CEP290: variants seen among roughly 807,000 people sequenced by gnomAD.
The protein encoded by CEP290 is centrosomal protein 290.
Under a neutral mutation model 344.9 loss-of-function variants are expected in CEP290, and 317 were observed. The observed-to-expected ratio is 0.92, with a 90% CI of 0.84 to 1.01. CEP290 has a LOEUF of 1.01. Ranked by LOEUF, CEP290 falls within the 50% of genes least tolerant of loss-of-function variation. The probability of loss-of-function intolerance (pLI) is 0.00; values close to 1 mark genes in which losing one functional copy is unlikely to be tolerated. For synonymous variants in CEP290, 932 were observed against 895.8 expected (o/e 1.04, Z -0.72); for missense variants, 2,754 against 2,761.4 (o/e 1.00, Z 0.06).
chr12:88,054,410 T>G lies in CEP290; in HGVS notation c.6964A>C (p.Lys2322Gln), dbSNP rs1397736080. Reference protein sequence around the residue: ...KYNEDLEQQIKILKHVPEGAE... With the variant: ...KYNEDLEQQIQILKHVPEGAE... ...CCTTCAGGAACATGTTTAAGAATCT[T>G]AATCTTTGAGGACAATGAAAAGTTA... Residue 2322 changes from lysine (K) to glutamine (Q), a missense_variant, in exon 51 of 54, where the codon AAG (lysine) becomes CAG (glutamine). Coordinates refer to ENST00000552810, the MANE Select transcript of CEP290 (RefSeq NM_025114.4). The G allele has an allele frequency of 6.2e-7, 1 of 1,608,682 alleles. No individual in the cohort carries two copies. Among genetic ancestry groups the G allele is most frequent in the Non-Finnish European group, 8.5e-7 (1 of 1,176,566 alleles).
At position 88,053,447 on chromosome 12, in the gene CEP290, G is replaced by A. The variant is rs371751872; in HGVS notation, c.7129+205C>T. 2.6e-5 allele frequency among the ~76,000 whole-genome samples: 4 copies of A among 152,008 alleles called. No homozygotes were observed. The East Asian group carries it at 5.8e-4, about 22-fold the overall frequency. On this transcript the variant is annotated intron_variant, in intron 52 of 53. Coordinates refer to ENST00000552810, the MANE Select transcript of CEP290 (RefSeq NM_025114.4). Reference sequence around the variant, plus strand: ...CAAAGAGAAGAACACTTGGGTACTTGCTACTCTATAGTATAAACAACACAA... The same window carrying A: ...CAAAGAGAAGAACACTTGGGTACTTACTACTCTATAGTATAAACAACACAA...
At position 88,064,074 on chromosome 12, in the gene CEP290, C is replaced by T; in HGVS notation, c.6177G>A (p.Gln2059=). 1 of 1,583,326 alleles carries T rather than the reference C, an allele frequency of 6.3e-7. No individual in the cohort carries two copies. Among genetic ancestry groups the T allele is most frequent in the East Asian group, 2.3e-5 (1 of 44,006 alleles). The stretch of plus-strand genomic sequence containing the variant: ...ACTTCAAGTTTTCCTTCTGAAGCTC[C>T]TGTTCTCTCTGACAATGATCATCTG... ...IESDDHCQRE[Q]ELQKENLKLS... Residue 2059 remains glutamine, a synonymous_variant, in exon 45 of 54, where the codon CAG becomes CAA. Coordinates refer to ENST00000552810, the MANE Select transcript of CEP290 (RefSeq NM_025114.4).
Position 88,129,007 on chromosome 12 carries a change from G to A in CEP290, c.881C>T (p.Ser294Leu). The change falls in exon 11 of 54, where the codon TCA becomes TTA. Residue 294 changes from serine to leucine, a missense_variant. Coordinates refer to ENST00000552810, the MANE Select transcript of CEP290 (RefSeq NM_025114.4). ...AATTGGATCATCTTCTTCATTTTTT[G>A]ATTTCAGAAGATCTGTAAGCTCCTG... ...QVQELTDLLK[S>L]KNEEDDPIMV... 6.6e-7 allele frequency: 1 copy of A among 1,525,700 alleles called. No homozygotes were observed. The highest frequency in any genetic ancestry group is 1.4e-5 in the South Asian group (1 of 73,386). The allele number at this position is 1,525,700 out of a possible 1,614,324, so 94.5% of individuals were successfully genotyped here. A position where few individuals can be genotyped will look rare whatever the true frequency, so the allele number is the denominator to read the frequency against.
intron 26 of CEP290, among the ~76,000 whole-genome samples, chr12:88,099,428 TATAAC>T (rs944958412): frequency 1.3e-5 from 2 of 152,198 alleles, no homozygotes; most frequent in African/African-American, 4.8e-5. Flanking sequence ...AGGCTGGCGA[TATAAC>T]ATAAATATAT....
chr12:88,094,051 T>A, intron 27 of CEP290, 76 bp from the exon 28 acceptor site: 2 of 1,081,098 alleles, frequency 1.8e-6, no homozygotes, highest in Non-Finnish European at 2.6e-6. Flanking sequence ...ATGCTGTATA[T>A]TAGAAAGCAT....
rs574650335 is a variant in CEP290 at position 88,089,018 on chromosome 12, G to C, written c.4029+14C>G. 6.8e-7 allele frequency: 1 copy of C among 1,478,084 alleles called. No homozygotes were observed. The highest frequency in any genetic ancestry group is 1.5e-5 in the South Asian group (1 of 67,844). The allele number at this position is 1,478,084 out of a possible 1,614,324, so 91.6% of individuals were successfully genotyped here. A position where few individuals can be genotyped will look rare whatever the true frequency, so the allele number is the denominator to read the frequency against. On this transcript the variant is annotated intron_variant, in intron 31 of 53. Transcript: ENST00000552810. ...ACTGTCTCTTAAAAAAAAAAATCAA[G>C]TTTAAATGTTTACCTTTTGGGCTCC...
chr12:88,068,736 T>G, intron 43 of CEP290, 91 bp from the exon 44 acceptor site: 1 of 1,324,988 alleles, frequency 7.5e-7, no homozygotes, highest in South Asian at 1.5e-5. Context: ...AAAGAAAAGT[T>G]CAGTGTGTTT....
intron 34 of CEP290, among the ~76,000 whole-genome samples, 191 bp downstream of exon 34, chr12:88,085,846 AAT>A (rs1213525364): frequency 6.6e-6 from 1 of 152,184 alleles, no homozygotes; most frequent in Non-Finnish European, 1.5e-5. Context: ...CTAATAATTA[AAT>A]AGTGAATTCA....
chr12:88,088,994 C>T (rs765147345), intron 31 of CEP290, 38 bp downstream of exon 31: 1 of 1,405,716 alleles, frequency 7.1e-7, no homozygotes, highest in Non-Finnish European at 9.6e-7. Context: ...GATCAAGATA[C>T]TGTCTCTTAA....
rs1592672690 is a variant in CEP290, at chr12:88,130,145, C to A, written c.669+123G>T. ...AAGATGTAATTTATTTCACATTTTA[C>A]AAGTACATAGTGACAGATTTATACC... On this transcript the variant is annotated intron_variant, in intron 9 of 53. Transcript: ENST00000552810. The A allele has an allele frequency of 2.3e-5, 24 of 1,044,790 alleles. No individual in the cohort carries two copies. In the East Asian group the frequency reaches 6.1e-4, roughly 26 times the overall value. The allele number at this position is 1,044,790 out of a possible 1,614,324, so 64.7% of individuals were successfully genotyped here. A position where few individuals can be genotyped will look rare whatever the true frequency, so the allele number is the denominator to read the frequency against.
intron 43 of CEP290, 71 bp from the exon 44 acceptor site, chr12:88,068,716 C>G: frequency 6.8e-7 from 1 of 1,471,966 alleles, no homozygotes; most frequent in Non-Finnish European, 9.0e-7. Context: ...TATAAAAATA[C>G]AAGATAAAAA....
At chr12:88,059,741 T>A (rs908645872) in intron 48 of CEP290, among the ~76,000 whole-genome samples, 157 bp downstream of exon 48, 13 of 152,200 alleles carry the variant, frequency 8.5e-5, no homozygotes, top group African/African-American at 2.4e-4. Flanking sequence ...ATGTTTTTCA[T>A]GGTGGAATGT....
chr12:88,051,190 G>C (rs1370619853), intron 52 of CEP290, among the ~76,000 whole-genome samples: 1 of 132,866 alleles, frequency 7.5e-6, no homozygotes, highest in African/African-American at 2.7e-5. Context: ...GCTGGGACAA[G>C]TATCTTTTTT....
intron 52 of CEP290, among the ~76,000 whole-genome samples, chr12:88,050,868 C>T (rs1488546824): frequency 6.6e-6 from 1 of 152,158 alleles, no homozygotes. Context: ...ATTTACTGTG[C>T]AATTACTATG....
At chr12:88,131,129 C>T in intron 7 of CEP290, 36 bp downstream of exon 7, 1 of 1,450,028 alleles carries the variant, frequency 6.9e-7, no homozygotes, top group Non-Finnish European at 9.1e-7. Context: ...TAATAAGTAC[C>T]TTTGTTGAAC....
chr12:88,068,582 G>C lies in CEP290; in HGVS notation c.6075C>G (p.Leu2025=). 5 of 1,589,690 alleles carry C rather than the reference G, an allele frequency of 3.1e-6. No individual in the cohort carries two copies. The highest frequency in any genetic ancestry group is 4.3e-6 in the Non-Finnish European group (5 of 1,170,470). ...VEDLHLQNRY[L]QEKLHALEKQ... ...TTTCTAAAGCATGAAGTTTTTCTTGGAGGTATCTATTTTGTAAATGTAAAT... is the reference window on the plus strand; with the variant it reads ...TTTCTAAAGCATGAAGTTTTTCTTGCAGGTATCTATTTTGTAAATGTAAAT... Residue 2025 remains leucine, a synonymous_variant, in exon 44 of 54, where the codon CTC becomes CTG. Coordinates refer to ENST00000552810, the MANE Select transcript of CEP290 (RefSeq NM_025114.4).
chr12:88,133,379 G>A (rs189830141), intron 6 of CEP290, among the ~76,000 whole-genome samples: 2 of 152,106 alleles, frequency 1.3e-5, no homozygotes, highest in Admixed American at 6.5e-5. Context: ...GAGTCACCAC[G>A]CTTGACCTCT....
intron 50 of CEP290, 115 bp from the exon 51 acceptor site, chr12:88,054,528 A>G (rs2033845870): frequency 5.3e-6 from 4 of 752,802 alleles, no homozygotes; most frequent in South Asian, 5.2e-5. Context: ...AAAAGCACGC[A>G]TAGGCAAATT....
intron 42 of CEP290, 117 bp downstream of exon 42, chr12:88,071,663 TA>T: frequency 1.1e-6 from 1 of 889,330 alleles, no homozygotes; most frequent in Non-Finnish European, 1.6e-6. Context: ...TCATAGATAA[TA>T]AATGATCATT....
Sources: gnomAD v4.1 joint callset for allele counts (sites outside exome capture counted in the v4.1 genomes callset) on GRCh38, gnomAD v4.1.1 for gene constraint, MANE v1.5 for transcripts, NCBI Gene and HGNC (gene_info 2026-07-23, HGNC 2026-07-21) for gene names.